CLEC6A: variants seen among roughly 807,000 people sequenced by gnomAD.
CLEC6A encodes the protein C-type lectin domain family 6 member A.
Under a neutral mutation model 25.7 loss-of-function variants are expected in CLEC6A, and 22 were observed. The observed-to-expected ratio is 0.85, with a 90% CI of 0.61 to 1.22. The LOEUF is 1.22. CLEC6A is among the 50% of genes most tolerant of loss of function. The pLI, the probability that CLEC6A is intolerant of heterozygous loss-of-function variation, is 0.00. For missense variants in CLEC6A, 240 were observed against 236.8 expected (o/e 1.01, Z -0.09); for synonymous variants, 92 against 76.7 (o/e 1.20, Z -1.04).
chr12:8,467,378 G>C (rs996643563), intron 4 of CLEC6A, among the ~76,000 whole-genome samples: 5 of 152,162 alleles, frequency 3.3e-5, no homozygotes, highest in African/African-American at 1.2e-4. Context: ...ATGACGTAAG[G>C]TAAGGATTCA....
intron 1 of CLEC6A, among the ~76,000 whole-genome samples, chr12:8,456,545 G>C (rs1318194283): frequency 6.6e-6 from 1 of 152,026 alleles, no homozygotes; most frequent in Non-Finnish European, 1.5e-5. Context: ...TAAGAGAAAA[G>C]CTTCCCATTT....
intron 3 of CLEC6A, chr12:8,460,721 C>A: frequency 6.8e-7 from 1 of 1,471,574 alleles, no homozygotes. Flanking sequence ...CAGCTCTCTG[C>A]TCTCCACAGG....
chr12:8,477,477 T>C lies in CLEC6A; in HGVS notation c.*13T>C, dbSNP rs776171426. On this transcript the variant is annotated 3_prime_UTR_variant, in exon 6 of 6. Coordinates refer to ENST00000382073, the MANE Select transcript of CLEC6A (RefSeq NM_001007033.2). ...GATTTACCTATGAGTAGAAGCTTAA[T>C]TGGAAAGAAGAGAAGAATTACTGAC... is the stretch of plus-strand genomic sequence containing the variant. The C allele has an allele frequency of 3.2e-6, 5 of 1,585,148 alleles. No homozygotes were observed. In the Admixed American group the frequency reaches 9.3e-5, roughly 30 times the overall value.
At chr12:8,460,169 G>T (rs189634428) in intron 3 of CLEC6A, among the ~76,000 whole-genome samples, 5 of 152,306 alleles carry the variant, frequency 3.3e-5, no homozygotes, top group East Asian at 1.9e-4. Flanking sequence ...TGGCAGAGTT[G>T]AATTTAGGAT....
At chr12:8,468,278 T>G (rs901330150) in intron 4 of CLEC6A, among the ~76,000 whole-genome samples, 5 of 152,240 alleles carry the variant, frequency 3.3e-5, no homozygotes, top group African/African-American at 1.2e-4. Context: ...TTTCTCAATT[T>G]TCTTTTTAGA....
chr12:8,457,863 T>C, intron 1 of CLEC6A, 35 bp from the exon 2 acceptor site: 3 of 1,538,576 alleles, frequency 1.9e-6, no homozygotes, highest in Non-Finnish European at 2.7e-6. Flanking sequence ...CCTGGCCCCC[T>C]GGTAACTGCA....
At position 8,476,224 on chromosome 12, in the gene CLEC6A, T is replaced by C. The variant is rs780272346; in HGVS notation, c.469T>C (p.Tyr157His). Reference protein sequence around the residue: ...NNWQWIDKTPYEKNVRFWHLG... With the variant: ...NNWQWIDKTPHEKNVRFWHLG... ...TTGGCAATGGATTGATAAGACACCTTATGAGAAAAATGTCAGGTGAGTGCA... is the reference window on the plus strand; with the variant it reads ...TTGGCAATGGATTGATAAGACACCTCATGAGAAAAATGTCAGGTGAGTGCA... The change falls in exon 5 of 6, where the codon TAT becomes CAT. Residue 157 changes from tyrosine to histidine, a missense_variant. Transcript: ENST00000382073. 5 of 1,601,488 alleles carry C rather than the reference T, an allele frequency of 3.1e-6. No individual in the cohort carries two copies. Among genetic ancestry groups the C allele is most frequent in the Non-Finnish European group, 4.3e-6 (5 of 1,174,680 alleles).
intron 2 of CLEC6A, 31 bp from the exon 3 acceptor site, chr12:8,459,566 A>AT: frequency 1.5e-6 from 2 of 1,371,788 alleles, no homozygotes; most frequent in Non-Finnish European, 2.1e-6. Flanking sequence ...AAAATAATAG[A>AT]TGGACACTAA....
At chr12:8,456,412 A>G (rs996092389) in intron 1 of CLEC6A, among the ~76,000 whole-genome samples, 1 of 152,238 alleles carries the variant, frequency 6.6e-6, no homozygotes, top group African/African-American at 2.4e-5. Context: ...GAAGGTAAAC[A>G]GGGAAATAAC....
intron 3 of CLEC6A, among the ~76,000 whole-genome samples, chr12:8,461,783 G>T (rs1939758478): frequency 6.6e-6 from 1 of 152,160 alleles, no homozygotes; most frequent in Non-Finnish European, 1.5e-5. Flanking sequence ...CTCAGTTTTA[G>T]TCAGAGTGTG....
Position 8,457,911 on chromosome 12 carries a change from G to C in CLEC6A, c.45G>C (p.Trp15Cys). The stretch of plus-strand genomic sequence containing the variant: ...CTGATTGGACAGAGAAAAGAGGCTG[G>C]TTGTCCCTGAGACTCTGGTCTGTGG... Reference protein sequence around the residue: ...QQPQSTEKRGWLSLRLWSVAG... With the variant: ...QQPQSTEKRGCLSLRLWSVAG... The change falls in exon 2 of 6, where the codon TGG (tryptophan) becomes TGC (cysteine). Residue 15 changes from tryptophan to cysteine, a missense_variant. By Grantham distance (215) the Trp-to-Cys change is radical (BLOSUM62 -2). Coordinates refer to ENST00000382073, the MANE Select transcript of CLEC6A (RefSeq NM_001007033.2). 6.2e-7 allele frequency: 1 copy of C among 1,613,790 alleles called. No individual in the cohort carries two copies. The highest frequency in any genetic ancestry group is 1.1e-5 in the South Asian group (1 of 91,076).
chr12:8,462,248 C>T (rs367722894), intron 3 of CLEC6A, among the ~76,000 whole-genome samples: 1 of 148,970 alleles, frequency 6.7e-6, no homozygotes, highest in Non-Finnish European at 1.5e-5. Context: ...GGACCTCTGC[C>T]TAGGAAAGCC....
Position 8,460,880 on chromosome 12 carries a change from G to C in CLEC6A, c.223+1182G>C, listed in dbSNP as rs151086626. On this transcript the variant is annotated intron_variant, in intron 3 of 5. Coordinates refer to ENST00000382073, the MANE Select transcript of CLEC6A (RefSeq NM_001007033.2). The stretch of plus-strand genomic sequence containing the variant: ...ACTTACCGCAAGCCTGTCTATCACG[G>C]TGTTAACCAGCCAAAGTTTGCTCCA... The C allele has an allele frequency of 1.5e-3, 1,340 of 880,084 alleles. 14 individuals carry two copies. In the African/African-American group the frequency reaches 0.02, roughly 13 times the overall value. The allele number at this position is 880,084 out of a possible 1,614,324, so 54.5% of individuals were successfully genotyped here. A position where few individuals can be genotyped will look rare whatever the true frequency, so the allele number is the denominator to read the frequency against.
At chr12:8,471,516 GTA>G (rs1382018399) in intron 4 of CLEC6A, among the ~76,000 whole-genome samples, 1 of 151,918 alleles carries the variant, frequency 6.6e-6, no homozygotes, top group Non-Finnish European at 1.5e-5. Context: ...TTGGCAGGTG[GTA>G]TGTTTCTAGA....
chr12:8,470,671 C>T (rs977857339), intron 4 of CLEC6A, among the ~76,000 whole-genome samples: 12 of 152,138 alleles, frequency 7.9e-5, no homozygotes, highest in African/African-American at 2.4e-4. Flanking sequence ...ATCGTATATT[C>T]TCACTCATAA....
In CLEC6A at chr12:8,477,487, GAGA is replaced by G. The variant is rs772355833; in HGVS notation, c.*28_*30del. Reference sequence around the variant, plus strand: ...TGAGTAGAAGCTTAATTGGAAAGAAGAGAAGAATTACTGACGTAATTTTTTCCC... The same window carrying G: ...TGAGTAGAAGCTTAATTGGAAAGAAGAGAATTACTGACGTAATTTTTTCCC... On this transcript the variant is annotated 3_prime_UTR_variant, in exon 6 of 6. Coordinates refer to ENST00000382073, the MANE Select transcript of CLEC6A (RefSeq NM_001007033.2). 2 of 1,566,940 alleles carry G rather than the reference GAGA, an allele frequency of 1.3e-6. No homozygotes were observed. Among genetic ancestry groups the G allele is most frequent in the Non-Finnish European group, 1.7e-6 (2 of 1,157,430 alleles).
chr12:8,465,469 G>A lies in CLEC6A; in HGVS notation c.224-15G>A, dbSNP rs1939817518. On this transcript the variant is annotated splice_polypyrimidine_tract_variant and intron_variant, in intron 3 of 5. Coordinates refer to ENST00000382073, the MANE Select transcript of CLEC6A (RefSeq NM_001007033.2). ...TCTTGCACTCACTCTTTTTTTTCAT[G>A]TAACACAAAAATAGCCTGGGGATGT... is the stretch of plus-strand genomic sequence containing the variant. 1.2e-6 allele frequency: 2 copies of A among 1,608,018 alleles called. No individual in the cohort carries two copies. The highest frequency in any genetic ancestry group is 2.2e-5 in the East Asian group (1 of 44,818).
At chr12:8,473,403 G>T (rs1939931920) in intron 4 of CLEC6A, among the ~76,000 whole-genome samples, 1 of 152,058 alleles carries the variant, frequency 6.6e-6, no homozygotes, top group South Asian at 2.1e-4. Flanking sequence ...CAAAGGACAT[G>T]ATTTAAATCA....
chr12:8,475,912 T>C (rs184748840), intron 4 of CLEC6A, among the ~76,000 whole-genome samples: 112 of 152,272 alleles, frequency 7.4e-4, no homozygotes, highest in Middle Eastern at 3.4e-3. Context: ...AAGAATGAAA[T>C]TCTGAGACAA....
Sources: allele counts gnomAD v4.1 joint callset (sites outside exome capture counted in the v4.1 genomes callset), GRCh38; gene constraint gnomAD v4.1.1; transcripts MANE v1.5; gene names NCBI Gene and HGNC (gene_info 2026-07-23, HGNC 2026-07-21).